The following TMTC1 variants were observed in gnomAD, a reference collection of about 807,000 sequenced individuals.
The protein encoded by TMTC1 is transmembrane O-mannosyltransferase targeting cadherins 1, also known as protein O-mannosyl-transferase TMTC1.
Under a neutral mutation model 104.8 loss-of-function variants are expected in TMTC1, and 73 were observed. The ratio of observed to expected loss-of-function variants is 0.70; its 90% CI spans 0.58 to 0.85. The LOEUF (loss-of-function observed/expected upper bound fraction) is 0.85. Among genes scored for constraint, TMTC1 ranks in the 40% least tolerant of loss-of-function variants. The probability of loss-of-function intolerance (pLI) is 0.00; values close to 1 mark genes in which losing one functional copy is unlikely to be tolerated. For synonymous variants in TMTC1, 434 were observed against 428.7 expected (o/e 1.01, Z -0.15); for missense variants, 1,035 against 1,096.1 (o/e 0.94, Z 0.79).
chr12:29,644,141 GTGTGTGTGTATATATA>G (rs1169386420), intron 5 of TMTC1, among the ~76,000 whole-genome samples: 33 of 104,616 alleles, frequency 3.2e-4, no homozygotes, highest in African/African-American at 4.6e-4. Flanking sequence ...GTGTGTGTGT[GTGTGTGTGTATATATA>G]TATATAATGA....
chr12:29,574,018 G>C (rs2136305378), intron 8 of TMTC1, among the ~76,000 whole-genome samples: 1 of 152,124 alleles, frequency 6.6e-6, no homozygotes, highest in African/African-American at 2.4e-5. Flanking sequence ...GAGGGGATGG[G>C]AGTGGAGCAG....
At chr12:29,703,608 C>A (rs2136808819) in intron 5 of TMTC1, among the ~76,000 whole-genome samples, 1 of 152,280 alleles carries the variant, frequency 6.6e-6, no homozygotes, top group South Asian at 2.1e-4. Context: ...TTGCTAACAG[C>A]AACCACAATG....
intron 5 of TMTC1, among the ~76,000 whole-genome samples, chr12:29,642,934 A>G (rs2136548282): frequency 6.6e-6 from 1 of 150,970 alleles, no homozygotes; most frequent in South Asian, 2.1e-4. Flanking sequence ...CAAAAAAAAA[A>G]ACTCCCAAAC....
intron 5 of TMTC1, among the ~76,000 whole-genome samples, chr12:29,738,747 A>G (rs749185965): frequency 1.3e-5 from 2 of 152,196 alleles, no homozygotes; most frequent in Non-Finnish European, 2.9e-5. Flanking sequence ...TGAAGTTTCC[A>G]TTATTTTCTG....
At chr12:29,777,915 T>A (rs975028076) in intron 1 of TMTC1, among the ~76,000 whole-genome samples, 6 of 152,146 alleles carry the variant, frequency 3.9e-5, no homozygotes. Context: ...TGAAAAGGAA[T>A]AGAAACAAAA....
At chr12:29,685,042 T>C (rs555566768) in intron 5 of TMTC1, among the ~76,000 whole-genome samples, 111 of 152,344 alleles carry the variant, frequency 7.3e-4, no homozygotes, top group Non-Finnish European at 1.4e-3. Flanking sequence ...TAATTGGGCA[T>C]AGGATGATAA....
At chr12:29,606,666 G>C (rs568687138) in intron 6 of TMTC1, among the ~76,000 whole-genome samples, 35 of 152,142 alleles carry the variant, frequency 2.3e-4, no homozygotes, top group Admixed American at 5.9e-4. Context: ...AAGAGTGCAG[G>C]TATAAACAGA....
intron 3 of TMTC1, among the ~76,000 whole-genome samples, chr12:29,757,798 G>C (rs1293447127): frequency 1.3e-5 from 2 of 152,130 alleles, no homozygotes; most frequent in Non-Finnish European, 2.9e-5. Flanking sequence ...ATCTTACATG[G>C]ATGGCGGCAG....
At chr12:29,747,076 A>G (rs147230704) in intron 5 of TMTC1, among the ~76,000 whole-genome samples, 2 of 152,306 alleles carry the variant, frequency 1.3e-5, no homozygotes, top group African/African-American at 4.8e-5. Context: ...TTCAATGCCT[A>G]TTGTGGTCAT....
chr12:29,603,771 A>G (rs1262451929), intron 7 of TMTC1, among the ~76,000 whole-genome samples: 1 of 152,198 alleles, frequency 6.6e-6, no homozygotes, highest in African/African-American at 2.4e-5. Flanking sequence ...TTGAAGAAAA[A>G]AGAACGAACA....
Position 29,501,339 on chromosome 12 carries a change from G to A in TMTC1, c.*5507C>T, listed in dbSNP as rs1288221838. The A allele has an allele frequency of 1.3e-5, 2 of 152,178 alleles. No homozygotes were observed. The highest frequency in any genetic ancestry group is 4.8e-5 in the African/African-American group (2 of 41,434). 9.4% of individuals were successfully genotyped at this position (152,178 alleles called of 1,614,324 possible). A position where few individuals can be genotyped will look rare whatever the true frequency, so the allele number is the denominator to read the frequency against. ...GCAACATTTATGAATTATCTCATCA[G>A]ATGCATGGTGTTTTTCAATCCAGAT... On this transcript the variant is annotated 3_prime_UTR_variant, in exon 18 of 18. Coordinates refer to ENST00000539277, the MANE Select transcript of TMTC1 (RefSeq NM_001193451.2).
chr12:29,647,146 A>G (rs958706286), intron 5 of TMTC1, among the ~76,000 whole-genome samples: 3 of 152,074 alleles, frequency 2.0e-5, no homozygotes, highest in Non-Finnish European at 4.4e-5. Flanking sequence ...CAGCCTCCCG[A>G]GTAGCTGGGA....
intron 5 of TMTC1, among the ~76,000 whole-genome samples, chr12:29,644,234 C>T (rs1379177082): frequency 1.4e-5 from 2 of 147,640 alleles, no homozygotes; most frequent in Non-Finnish European, 3.0e-5. Context: ...GGACTAGAGA[C>T]TATTATTCTA....
intron 9 of TMTC1, among the ~76,000 whole-genome samples, chr12:29,564,730 T>G (rs1383687470): frequency 1.3e-5 from 2 of 151,618 alleles, no homozygotes; most frequent in Non-Finnish European, 2.9e-5. Context: ...AGGAAGGAGA[T>G]AAGGAAGCAC....
intron 2 of TMTC1, among the ~76,000 whole-genome samples, 184 bp downstream of exon 2, chr12:29,767,714 T>C (rs1853416016): frequency 6.6e-6 from 1 of 152,048 alleles, no homozygotes; most frequent in South Asian, 2.1e-4. Context: ...TTTAATAGAG[T>C]GAACTCATAT....
At chr12:29,553,070 A>T (rs1438468512) in intron 10 of TMTC1, among the ~76,000 whole-genome samples, 1 of 152,182 alleles carries the variant, frequency 6.6e-6, no homozygotes, top group East Asian at 1.9e-4. Context: ...TCTTTAAGAG[A>T]GATGCAGGGT....
chr12:29,529,227 T>C (rs979194853), intron 11 of TMTC1, among the ~76,000 whole-genome samples: 1 of 152,156 alleles, frequency 6.6e-6, no homozygotes, highest in African/African-American at 2.4e-5. Context: ...TGCATAAACC[T>C]TCATGGACCC....
At chr12:29,554,208 A>G (rs1424178118) in intron 10 of TMTC1, among the ~76,000 whole-genome samples, 1 of 152,206 alleles carries the variant, frequency 6.6e-6, no homozygotes, top group Non-Finnish European at 1.5e-5. Context: ...ACAACATGAT[A>G]ATGATCTGTA....
chr12:29,586,843 T>A (rs2136341398), intron 7 of TMTC1, among the ~76,000 whole-genome samples: 1 of 151,758 alleles, frequency 6.6e-6, no homozygotes, highest in East Asian at 1.9e-4. Context: ...TTGCCAGTAT[T>A]TTATTGAGGA....
Sources: allele counts gnomAD v4.1 joint callset (sites outside exome capture counted in the v4.1 genomes callset), GRCh38; gene constraint gnomAD v4.1.1; transcripts MANE v1.5; gene names NCBI Gene and HGNC (gene_info 2026-07-23, HGNC 2026-07-21).